The following PPM1L variants were observed in gnomAD, a reference collection of about 807,000 sequenced individuals.
PPM1L encodes the protein protein phosphatase, Mg2+/Mn2+ dependent 1L.
PPM1L carries 13 observed loss-of-function variants against 31.4 expected under a neutral mutation model. The observed-to-expected ratio is 0.41, with a 90% CI of 0.27 to 0.66. The LOEUF is 0.66. Among genes scored for constraint, PPM1L ranks in the 30% least tolerant of loss-of-function variants. PPM1L has a pLI of 0.29. For synonymous variants in PPM1L, 184 were observed against 175.4 expected (o/e 1.05, Z -0.39); for missense variants, 326 against 453.7 (o/e 0.72, Z 2.56).
intron 1 of PPM1L, among the ~76,000 whole-genome samples, chr3:160,930,128 A>G (rs1268448113): frequency 2.0e-5 from 3 of 152,220 alleles, no homozygotes; most frequent in Admixed American, 2.0e-4. Context: ...AATGTGGGTT[A>G]GGGCTTTTTA....
chr3:160,822,591 A>G (rs2108091831), intron 1 of PPM1L, among the ~76,000 whole-genome samples: 1 of 152,182 alleles, frequency 6.6e-6, no homozygotes, highest in Non-Finnish European at 1.5e-5. Context: ...TTTTTTGTAG[A>G]TAAACTTCTT....
chr3:160,980,479 C>T lies in PPM1L; in HGVS notation c.574+18569C>T, dbSNP rs1435044337. ...ATTGCTTGAGCTCAGGAGTTCAAGA[C>T]CATCCTGGGCAACATGGCAAAACCC... On this transcript the variant is annotated intron_variant, in intron 2 of 3. Coordinates refer to ENST00000498165, the MANE Select transcript of PPM1L (RefSeq NM_139245.4). Among the ~76,000 whole-genome samples, 3 of 151,902 alleles carry T rather than the reference C, an allele frequency of 2.0e-5. No homozygotes were observed. In the East Asian group the frequency reaches 5.8e-4, roughly 29 times the overall value.
intron 2 of PPM1L, among the ~76,000 whole-genome samples, chr3:161,015,317 T>G (rs1013963711): frequency 6.6e-6 from 1 of 152,196 alleles, no homozygotes; most frequent in Non-Finnish European, 1.5e-5. Flanking sequence ...TGCAAGTTCT[T>G]CATAAAACCT....
chr3:160,874,421 C>T (rs916486806), intron 1 of PPM1L, among the ~76,000 whole-genome samples: 4 of 152,192 alleles, frequency 2.6e-5, no homozygotes, highest in Non-Finnish European at 5.9e-5. Flanking sequence ...GCTTTTCCTT[C>T]AAGATATTTC....
chr3:161,045,154 T>C (rs1353608236), intron 2 of PPM1L, among the ~76,000 whole-genome samples: 1 of 152,092 alleles, frequency 6.6e-6, no homozygotes, highest in Non-Finnish European at 1.5e-5. Context: ...GAGACTTAGA[T>C]TCCCACACAA....
At chr3:160,794,506 G>T (rs1043293359) in intron 1 of PPM1L, among the ~76,000 whole-genome samples, 2 of 152,188 alleles carry the variant, frequency 1.3e-5, no homozygotes, top group Non-Finnish European at 2.9e-5. Context: ...TTTGTAGTTT[G>T]ATTTGCATAT....
intron 1 of PPM1L, among the ~76,000 whole-genome samples, chr3:160,888,507 A>G (rs901104080): frequency 6.6e-6 from 1 of 152,244 alleles, no homozygotes; most frequent in Non-Finnish European, 1.5e-5. Context: ...TGCACCCAAT[A>G]CAGGAGTACC....
At chr3:161,054,718 G>A (rs1372626733) in intron 2 of PPM1L, among the ~76,000 whole-genome samples, 1 of 152,112 alleles carries the variant, frequency 6.6e-6, no homozygotes, top group Admixed American at 6.5e-5. Flanking sequence ...TCATCTGTAA[G>A]ATGGGAATAA....
intron 2 of PPM1L, among the ~76,000 whole-genome samples, chr3:161,013,619 TG>T (rs1443118590): frequency 7.2e-5 from 11 of 152,160 alleles, no homozygotes; most frequent in African/African-American, 2.4e-5. Context: ...ATGTTGACAG[TG>T]GGGGGTTAAA....
chr3:160,947,468 A>AT (rs1715445032), intron 1 of PPM1L, among the ~76,000 whole-genome samples: 2 of 151,846 alleles, frequency 1.3e-5, no homozygotes, highest in Admixed American at 6.6e-5. Flanking sequence ...CCTCCTCATC[A>AT]TTTTTTAGAT....
intron 1 of PPM1L, among the ~76,000 whole-genome samples, chr3:160,915,255 A>C (rs1714127237): frequency 6.6e-6 from 1 of 152,116 alleles, no homozygotes; most frequent in Non-Finnish European, 1.5e-5. Flanking sequence ...GCATTCTTAT[A>C]CTCCAATAAT....
chr3:160,877,172 G>T (rs1712541494), intron 1 of PPM1L, among the ~76,000 whole-genome samples: 1 of 152,186 alleles, frequency 6.6e-6, no homozygotes, highest in South Asian at 2.1e-4. Flanking sequence ...TGTGTGTCAT[G>T]GGTATAAATA....
chr3:161,035,942 T>C (rs548753119), intron 2 of PPM1L: 2 of 152,356 alleles, frequency 1.3e-5, no homozygotes, highest in South Asian at 4.1e-4. Context: ...ACATATGATG[T>C]CCGCTTTTAT....
chr3:161,013,466 A>G (rs1176506865), intron 2 of PPM1L, among the ~76,000 whole-genome samples: 1 of 152,146 alleles, frequency 6.6e-6, no homozygotes, highest in African/African-American at 2.4e-5. Context: ...TTTTGGAATA[A>G]GTGTGATGTG....
intron 1 of PPM1L, among the ~76,000 whole-genome samples, chr3:160,896,355 A>T (rs1294023895): frequency 6.6e-6 from 1 of 151,816 alleles, no homozygotes; most frequent in African/African-American, 2.4e-5. Context: ...TTTTTTGAAA[A>T]CCTTCATTTA....
chr3:160,878,136 G>A (rs1041737016), intron 1 of PPM1L, among the ~76,000 whole-genome samples: 1 of 152,102 alleles, frequency 6.6e-6, no homozygotes, highest in Non-Finnish European at 1.5e-5. Flanking sequence ...CCACCCTGCA[G>A]GCCATCACAC....
At position 161,071,191 on chromosome 3, in the gene PPM1L, A is replaced by T. The variant is rs1234214144; in HGVS notation, c.*2034A>T. The stretch of plus-strand genomic sequence containing the variant: ...GGCTGAGTTTGCTTGGAAATTCAGG[A>T]CATTCTGACTCCTAAGAGTTGCCCC... On this transcript the variant is annotated 3_prime_UTR_variant, in exon 4 of 4. Transcript: ENST00000498165. 6.6e-6 allele frequency: 1 copy of T among 152,228 alleles called. No homozygotes were observed. The highest frequency in any genetic ancestry group is 1.5e-5 in the Non-Finnish European group (1 of 68,084). 9.4% of individuals were successfully genotyped at this position (152,228 alleles called of 1,614,324 possible).
chr3:160,869,607 A>T (rs1712226668), intron 1 of PPM1L, among the ~76,000 whole-genome samples: 1 of 152,102 alleles, frequency 6.6e-6, no homozygotes. Flanking sequence ...TTTTTCCAAA[A>T]ATTGTATGAC....
intron 2 of PPM1L, among the ~76,000 whole-genome samples, chr3:161,043,515 A>T (rs1368916804): frequency 6.6e-6 from 1 of 152,184 alleles, no homozygotes; most frequent in Non-Finnish European, 1.5e-5. Context: ...CGTTTAGCAG[A>T]TGCTCAAGCC....
Sources: allele counts gnomAD v4.1 joint callset (sites outside exome capture counted in the v4.1 genomes callset), GRCh38; gene constraint gnomAD v4.1.1; transcripts MANE v1.5; gene names NCBI Gene and HGNC (gene_info 2026-07-23, HGNC 2026-07-21).